The following KDM1A variants were observed in gnomAD, a reference collection of about 807,000 sequenced individuals.
The protein encoded by KDM1A is lysine-specific histone demethylase 1A.
A neutral mutation model predicts 109.4 loss-of-function variants in KDM1A; 49 were observed. That is an observed-to-expected ratio of 0.45 (90% CI 0.36 to 0.57). KDM1A has a LOEUF of 0.57. Ranked by LOEUF, KDM1A falls within the 20% of genes least tolerant of loss-of-function variation. The pLI is 0.00. For missense variants in KDM1A, 668 were observed against 1,116.6 expected (o/e 0.60, Z 5.73); for synonymous variants, 380 against 415.4 (o/e 0.91, Z 1.04).
chr1:23,049,529 C>T (rs1210834671), intron 3 of KDM1A, among the ~76,000 whole-genome samples: 4 of 151,360 alleles, frequency 2.6e-5, no homozygotes, highest in African/African-American at 9.7e-5. Flanking sequence ...ACTAAAAATA[C>T]AAAAAATTAG....
chr1:23,041,583 C>T (rs138158558), intron 2 of KDM1A, among the ~76,000 whole-genome samples: 71 of 151,526 alleles, frequency 4.7e-4, no homozygotes, highest in African/African-American at 1.7e-3. Flanking sequence ...GCTGGGATTA[C>T]AGGTGCATAC....
Position 23,025,255 on chromosome 1 carries a change from T to C in KDM1A, c.352-5214T>C, listed in dbSNP as rs144724089. 2.6e-4 allele frequency among the ~76,000 whole-genome samples: 40 copies of C among 152,244 alleles called. 1 individual carries two copies. Among genetic ancestry groups the C allele is most frequent in the African/African-American group, 8.7e-4 (36 of 41,550 alleles). On this transcript the variant is annotated intron_variant, in intron 1 of 20. Transcript: ENST00000400181. ...AGAAGTTTTCCATTATGACAAAAAG[T>C]TCTATCAGACAGCCTTGAACTAGAT...
chr1:23,067,009 C>G (rs1182087235), intron 10 of KDM1A, among the ~76,000 whole-genome samples: 1 of 152,090 alleles, frequency 6.6e-6, no homozygotes, highest in African/African-American at 2.4e-5. Context: ...AGAACAAGCT[C>G]TTTTTTTGGC....
At chr1:23,034,874 G>A (rs1387840139) in intron 2 of KDM1A, among the ~76,000 whole-genome samples, 2 of 152,130 alleles carry the variant, frequency 1.3e-5, no homozygotes. Context: ...CAAGTTAATG[G>A]ATTTTTCAGT....
chr1:23,033,867 T>C (rs1011697348), intron 2 of KDM1A, among the ~76,000 whole-genome samples: 2 of 152,168 alleles, frequency 1.3e-5, no homozygotes, highest in Non-Finnish European at 1.5e-5. Flanking sequence ...CACTGAAATA[T>C]GTTTTTGGAA....
intron 18 of KDM1A, chr1:23,080,841 T>C (rs1373254718): frequency 6.6e-6 from 1 of 152,332 alleles, no homozygotes; most frequent in East Asian, 1.9e-4. Flanking sequence ...AAATACCCCA[T>C]ATTCTTTTCC....
chr1:23,077,277 ACT>A lies in KDM1A; in HGVS notation c.1786_1787del (p.Ser596ValfsTer13), dbSNP rs1643494276. ...AGCCACCTGACAGTAAGGAATGGCT[ACT>A]CGTGTGTGCCTGTGGCTTTAGCAGA... On this transcript the variant is annotated frameshift_variant, in exon 16 of 21. Coordinates refer to ENST00000400181, the MANE Select transcript of KDM1A (RefSeq NM_001009999.3). LOFTEE classifies it high-confidence loss of function. 1 of 1,614,052 alleles carries A rather than the reference ACT, an allele frequency of 6.2e-7. No homozygotes were observed. Among genetic ancestry groups the A allele is most frequent in the Non-Finnish European group, 8.5e-7 (1 of 1,179,934 alleles).
chr1:23,056,937 A>G (rs369861219), intron 7 of KDM1A, among the ~76,000 whole-genome samples: 1 of 152,106 alleles, frequency 6.6e-6, no homozygotes, highest in South Asian at 2.1e-4. Flanking sequence ...TTAGGGATAA[A>G]AGGTATTGTG....
At chr1:23,022,041 A>G (rs538927379) in intron 1 of KDM1A, among the ~76,000 whole-genome samples, 1 of 152,330 alleles carries the variant, frequency 6.6e-6, no homozygotes, top group East Asian at 1.9e-4. Context: ...CATTGTATGG[A>G]TATACCAAAT....
At chr1:23,077,924 T>G (rs894373602) in intron 16 of KDM1A, among the ~76,000 whole-genome samples, 2 of 152,194 alleles carry the variant, frequency 1.3e-5, no homozygotes, top group Non-Finnish European at 2.9e-5. Flanking sequence ...GAGATAGAGT[T>G]TCCCTGTGCT....
Position 23,072,173 on chromosome 1 carries a change from A to C in KDM1A, c.1598A>C (p.Gln533Pro). 6.2e-7 allele frequency: 1 copy of C among 1,610,926 alleles called. No individual in the cohort carries two copies. Among genetic ancestry groups the C allele is most frequent in the Non-Finnish European group, 8.5e-7 (1 of 1,178,186 alleles). ...CAAGGAAAGCTAGAAGAAAAACTTC[A>C]GGAGTTGGAAGCGAATCCCCCAAGG... ...ETQGKLEEKL[Q>P]ELEANPPSDV... Residue 533 changes from glutamine (Q) to proline (P), a missense_variant, in exon 14 of 21, where the codon CAG becomes CCG. Around this residue, in one of 8 missense-constraint regions of KDM1A, gnomAD observed 162 missense variants for 376.4 expected, o/e 0.43. Coordinates refer to ENST00000400181, the MANE Select transcript of KDM1A (RefSeq NM_001009999.3).
Position 23,077,323 on chromosome 1 carries a change from GA to G in KDM1A, c.1832del (p.Asn611IlefsTer16). On this transcript the variant is annotated frameshift_variant, in exon 16 of 21. Coordinates refer to ENST00000400181, the MANE Select transcript of KDM1A (RefSeq NM_001009999.3). LOFTEE classifies it high-confidence loss of function. ...TAGCAGAAGGCCTAGACATTAAACT[GA>G]ATACAGCAGTGCGACAGGTTCGCTA... ...ALAEGLDIKLNTAVRQVRYTA... is the reference protein window; with the variant it reads ...ALAEGLDIKLXTAVRQVRYTA... 1 of 1,613,936 alleles carries G rather than the reference GA, an allele frequency of 6.2e-7. No homozygotes were observed. The highest frequency in any genetic ancestry group is 8.5e-7 in the Non-Finnish European group (1 of 1,179,846).
rs1643334070 is a variant in KDM1A, at chr1:23,071,976, C to CT, written c.1549-147dup. 5.4e-6 allele frequency: 3 copies of CT among 559,118 alleles called. No homozygotes were observed. The East Asian group carries it at 9.0e-5, about 17-fold the overall frequency. The allele number at this position is 559,118 out of a possible 1,614,324, so 34.6% of individuals were successfully genotyped here. A position where few individuals can be genotyped will look rare whatever the true frequency, so the allele number is the denominator to read the frequency against. On this transcript the variant is annotated intron_variant, in intron 13 of 20. Transcript: ENST00000400181. Reference sequence around the variant, plus strand: ...CTCCAAAAACAAAAATCTCTCAGCTCTATCTAACCCCAGCCTAAAATTGAG... The same window carrying CT: ...CTCCAAAAACAAAAATCTCTCAGCTCTTATCTAACCCCAGCCTAAAATTGAG...
At chr1:23,025,743 G>C (rs1027642452) in intron 1 of KDM1A, among the ~76,000 whole-genome samples, 1 of 152,186 alleles carries the variant, frequency 6.6e-6, no homozygotes, top group Non-Finnish European at 1.5e-5. Flanking sequence ...GGAACTTAGA[G>C]GTTGGTAGAG....
Position 23,028,791 on chromosome 1 carries a change from A to G in KDM1A, c.352-1678A>G, listed in dbSNP as rs577355045. Among the ~76,000 whole-genome samples the G allele has an allele frequency of 5.9e-5, 9 of 152,214 alleles. No homozygotes were observed. In the South Asian group the frequency reaches 1.2e-3, roughly 21 times the overall value. On this transcript the variant is annotated intron_variant, in intron 1 of 20. Coordinates refer to ENST00000400181, the MANE Select transcript of KDM1A (RefSeq NM_001009999.3). ...GTCAGTTAGGATAAAGTTTAGTATA[A>G]TATCATCTACATTTCTGGAGTCTTA... is the stretch of plus-strand genomic sequence containing the variant.
chr1:23,083,592 G>C lies in KDM1A; in HGVS notation c.*228G>C, dbSNP rs1643685457. 1 of 394,220 alleles carries C rather than the reference G, an allele frequency of 2.5e-6. No homozygotes were observed. The highest frequency in any genetic ancestry group is 4.6e-6 in the Non-Finnish European group (1 of 219,736). The allele number at this position is 394,220 out of a possible 1,614,324, so 24.4% of individuals were successfully genotyped here. A position where few individuals can be genotyped will look rare whatever the true frequency, so the allele number is the denominator to read the frequency against. On this transcript the variant is annotated 3_prime_UTR_variant, in exon 21 of 21. Transcript: ENST00000400181. ...AATTGTGTTCTTCGTAAAGACTGAGGCAAGCAAGTGCTGTGAAATAACATC... is the reference window on the plus strand; with the variant it reads ...AATTGTGTTCTTCGTAAAGACTGAGCCAAGCAAGTGCTGTGAAATAACATC...
chr1:23,047,204 T>C (rs1324020241), intron 3 of KDM1A, among the ~76,000 whole-genome samples: 1 of 152,184 alleles, frequency 6.6e-6, no homozygotes, highest in South Asian at 2.1e-4. Context: ...ATACATTTTT[T>C]TTTTCTTTAA....
chr1:23,082,449 G>A (rs1310741131), intron 20 of KDM1A, 83 bp downstream of exon 20: 2 of 1,174,812 alleles, frequency 1.7e-6, no homozygotes, highest in Non-Finnish European at 2.4e-6. Context: ...TTTTTTTTCA[G>A]ATTTTAGTCA....
chr1:23,046,902 T>G (rs972638229), intron 3 of KDM1A, among the ~76,000 whole-genome samples: 1 of 152,214 alleles, frequency 6.6e-6, no homozygotes, highest in African/African-American at 2.4e-5. Flanking sequence ...GACAACGTTT[T>G]GGAAACATTC....
Sources: gnomAD v4.1 joint callset for allele counts (sites outside exome capture counted in the v4.1 genomes callset) on GRCh38, gnomAD v4.1.1 for gene constraint, gnomAD v4.1.1 regional missense constraint, MANE v1.5 for transcripts, NCBI Gene and HGNC (gene_info 2026-07-23, HGNC 2026-07-21) for gene names.